Variants in ATXN7 observed in about 807,000 individuals in gnomAD.
The protein encoded by ATXN7 is ataxin-7.
In ATXN7, 12 loss-of-function variants were observed where a neutral mutation model predicts 70.5. The observed-to-expected ratio is 0.17, with a 90% CI of 0.11 to 0.28. The LOEUF is 0.28. Ranked by LOEUF, ATXN7 falls within the 10% of genes least tolerant of loss-of-function variation. The probability of loss-of-function intolerance (pLI) is 1.00; values close to 1 mark genes in which losing one functional copy is unlikely to be tolerated. For synonymous variants in ATXN7, 498 were observed against 448.7 expected (o/e 1.11, Z -1.39); for missense variants, 1,256 against 1,131.7 (o/e 1.11, Z -1.58).
intron 1 of ATXN7, among the ~76,000 whole-genome samples, chr3:63,892,636 A>G (rs904934904): frequency 1.3e-5 from 2 of 152,188 alleles, no homozygotes; most frequent in Non-Finnish European, 2.9e-5. Flanking sequence ...ATGCCAGAGC[A>G]GCTCTTTATT....
At chr3:63,876,684 C>A (rs561657946) in intron 1 of ATXN7, among the ~76,000 whole-genome samples, 1 of 152,240 alleles carries the variant, frequency 6.6e-6, no homozygotes, top group South Asian at 2.1e-4. Context: ...TGAGAGTAGG[C>A]AGGTTTCTTG....
intron 1 of ATXN7, among the ~76,000 whole-genome samples, chr3:63,884,518 A>G (rs1165238364): frequency 6.6e-6 from 1 of 152,236 alleles, no homozygotes; most frequent in Non-Finnish European, 1.5e-5. Flanking sequence ...TACTGGTATA[A>G]ATAAATGGTT....
chr3:63,951,265 T>A (rs569213845), intron 4 of ATXN7, among the ~76,000 whole-genome samples: 1 of 152,044 alleles, frequency 6.6e-6, no homozygotes, highest in East Asian at 1.9e-4. Flanking sequence ...GATCAGTAAT[T>A]TGATATTTTA....
At chr3:63,964,143 A>G (rs1328751906) in intron 5 of ATXN7, among the ~76,000 whole-genome samples, 1 of 149,190 alleles carries the variant, frequency 6.7e-6, no homozygotes, top group Non-Finnish European at 1.5e-5. Context: ...TAAATTCCTC[A>G]AACAACCACA....
chr3:63,863,736 T>C (rs1033924362), upstream of ATXN7: 4 of 1,248,982 alleles, frequency 3.2e-6, no homozygotes, highest in African/African-American at 6.2e-5. Flanking sequence ...CAGCGGGCCG[T>C]GCAGCGGGCG....
chr3:63,980,343 G>A (rs559601766), intron 6 of ATXN7, 176 bp downstream of exon 6: 2 of 829,350 alleles, frequency 2.4e-6, no homozygotes, highest in Admixed American at 2.9e-5. Flanking sequence ...AAACTTTTCA[G>A]AGTAGTAATA....
Position 63,996,428 on chromosome 3 carries a change from A to G in ATXN7, c.2606A>G (p.His869Arg). Reference protein sequence around the residue: ...VPAVNNVHMKHTGTIPGAQGL... With the variant: ...VPAVNNVHMKRTGTIPGAQGL... ...GCCGTGAACAATGTCCACATGAAAC[A>G]CACAGGCACCATCCCAGGGGCACAA... Residue 869 changes from histidine to arginine, a missense_variant, in exon 12 of 13, where the codon CAC becomes CGC. Coordinates refer to ENST00000674280, the MANE Select transcript of ATXN7 (RefSeq NM_001377405.1). The G allele has an allele frequency of 6.2e-7, 1 of 1,614,174 alleles. No individual in the cohort carries two copies.
chr3:63,914,790 G>C (rs1207059703), intron 4 of ATXN7, among the ~76,000 whole-genome samples: 1 of 152,126 alleles, frequency 6.6e-6, no homozygotes, highest in Non-Finnish European at 1.5e-5. Context: ...CAAATTAAGG[G>C]GACTGTACCT....
intron 4 of ATXN7, 62 bp downstream of exon 4, chr3:63,913,287 C>G: frequency 1.3e-6 from 2 of 1,516,286 alleles, no homozygotes; most frequent in South Asian, 1.1e-5. Context: ...TGACAGTTCA[C>G]TGGGACCGGG....
intron 1 of ATXN7, among the ~76,000 whole-genome samples, chr3:63,898,008 A>G (rs940702139): frequency 6.6e-6 from 1 of 152,208 alleles, no homozygotes; most frequent in Non-Finnish European, 1.5e-5. Flanking sequence ...AGCTCTCCAG[A>G]TAATAATCTC....
chr3:63,953,949 G>A (rs576468118), intron 5 of ATXN7, among the ~76,000 whole-genome samples: 39 of 152,262 alleles, frequency 2.6e-4, no homozygotes, highest in Middle Eastern at 6.8e-3. Flanking sequence ...GCTCAGCCAA[G>A]AGACGTTTTA....
At chr3:63,891,474 A>G (rs1703261518) in intron 1 of ATXN7, among the ~76,000 whole-genome samples, 1 of 151,972 alleles carries the variant, frequency 6.6e-6, no homozygotes, top group Non-Finnish European at 1.5e-5. Context: ...GTGAGACACC[A>G]CACCTGGCTA....
chr3:63,949,275 TGAA>T (rs953555908), intron 4 of ATXN7, among the ~76,000 whole-genome samples: 5 of 151,330 alleles, frequency 3.3e-5, no homozygotes, highest in Admixed American at 2.0e-4. Flanking sequence ...TTTTTTTTCC[TGAA>T]GAAGCATTTT....
At chr3:63,943,132 A>G (rs976173309) in intron 4 of ATXN7, among the ~76,000 whole-genome samples, 1 of 152,238 alleles carries the variant, frequency 6.6e-6, no homozygotes, top group Non-Finnish European at 1.5e-5. Context: ...ATTCAGGGAA[A>G]GTCTTTCCAA....
At chr3:63,932,083 C>A (rs1452887536) in intron 4 of ATXN7, among the ~76,000 whole-genome samples, 1 of 152,098 alleles carries the variant, frequency 6.6e-6, no homozygotes, top group African/African-American at 2.4e-5. Context: ...TGTTTAGCAC[C>A]ACCAATGAAT....
At chr3:63,920,471 A>G (rs1435423667) in intron 4 of ATXN7, among the ~76,000 whole-genome samples, 1 of 152,154 alleles carries the variant, frequency 6.6e-6, no homozygotes, top group Admixed American at 6.5e-5. Flanking sequence ...ATGCTTAACC[A>G]TTCTGCTGTT....
At chr3:63,892,078 G>A (rs1429388285) in intron 1 of ATXN7, among the ~76,000 whole-genome samples, 5 of 152,128 alleles carry the variant, frequency 3.3e-5, no homozygotes, top group Admixed American at 1.3e-4. Context: ...ACAGAGTTTA[G>A]CAGAGGGTCT....
chr3:63,976,053 T>C (rs997090622), intron 5 of ATXN7, among the ~76,000 whole-genome samples: 1 of 152,196 alleles, frequency 6.6e-6, no homozygotes, highest in Non-Finnish European at 1.5e-5. Flanking sequence ...AAAACTCAAC[T>C]TGGACTCCTC....
At chr3:63,954,711 G>T (rs148145648) in intron 5 of ATXN7, among the ~76,000 whole-genome samples, 15,818 of 111,068 alleles carry the variant, frequency 0.14, 611 homozygotes, top group African/African-American at 0.19. Flanking sequence ...TTTTTTTTTT[G>T]TTTTTTTTTT....
Sources: allele counts gnomAD v4.1 joint callset (sites outside exome capture counted in the v4.1 genomes callset), GRCh38; gene constraint gnomAD v4.1.1; transcripts MANE v1.5; gene names NCBI Gene and HGNC (gene_info 2026-07-23, HGNC 2026-07-21).